KIR3DL1: variants seen among roughly 807,000 people sequenced by gnomAD.
The protein encoded by KIR3DL1 is killer cell immunoglobulin-like receptor 3DL1.
In KIR3DL1, 50 loss-of-function variants were observed where a neutral mutation model predicts 40.3. That is an observed-to-expected ratio of 1.24 (90% CI 0.99 to 1.57). The LOEUF is 1.57. KIR3DL1 is among the 40% of genes most tolerant of loss of function. The probability of loss-of-function intolerance (pLI) is 0.00; values close to 1 mark genes in which losing one functional copy is unlikely to be tolerated. For synonymous variants in KIR3DL1, 257 were observed against 207.2 expected, an observed-to-expected ratio of 1.24 and a Z score of -2.07; for missense variants, 661 against 559.9, an observed-to-expected ratio of 1.18 and a Z score of -1.82.
At chr19:54,821,758 C>G in exon 5 of KIR3DL1, 1 of 1,608,058 alleles carries the variant, frequency 6.2e-7, no homozygotes, top group Non-Finnish European at 8.5e-7. Context: ...TCCCTCTGGG[C>G]CCTGCCACCC....
intron 1 of KIR3DL1, among the ~76,000 whole-genome samples, chr19:54,816,812 ATGGGCC>A (rs2061362509): frequency 1.6e-4 from 8 of 49,960 alleles, no homozygotes; most frequent in African/African-American, 1.7e-4. Context: ...GAGGGGAGAT[ATGGGCC>A]TGGAGGGGAG....
chr19:54,817,332 A>T (rs1233761251), intron 1 of KIR3DL1, among the ~76,000 whole-genome samples: 1 of 78,934 alleles, frequency 1.3e-5, no homozygotes, highest in African/African-American at 5.1e-5. Context: ...GTGTAGATCT[A>T]GGCCTGGAGG....
rs551016633 is a variant in KIR3DL1 at position 54,830,642 on chromosome 19, G to C, written c.*367G>C. 2.2e-5 allele frequency: 6 copies of C among 272,436 alleles called. No homozygotes were observed. In the South Asian group the frequency reaches 3.5e-4, roughly 16 times the overall value. The allele number at this position is 272,436 out of a possible 1,614,324, so 16.9% of individuals were successfully genotyped here. A position where few individuals can be genotyped will look rare whatever the true frequency, so the allele number is the denominator to read the frequency against. On this transcript the variant is annotated 3_prime_UTR_variant, in exon 9 of 9. Coordinates refer to ENST00000391728, the Ensembl canonical transcript of KIR3DL1. ...CCCTCTTGACGTGGCACTTACCCAC[G>C]TGCTGTTCCACCTTCCCTCATGCTG...
intron 4 of KIR3DL1, among the ~76,000 whole-genome samples, chr19:54,820,217 G>A (rs950699714): frequency 5.3e-5 from 8 of 151,402 alleles, no homozygotes; most frequent in African/African-American, 2.0e-4. Context: ...AGACACAGGG[G>A]CCATACAGGG....
At chr19:54,821,649 G>C (rs200594305) in exon 5 of KIR3DL1, 4 of 1,609,686 alleles carry the variant, frequency 2.5e-6, no homozygotes, top group Non-Finnish European at 2.5e-6. Flanking sequence ...TGTAGCTCCC[G>C]GAGCTCCTAT....
At chr19:54,829,880 A>G (rs777959985) in intron 7 of KIR3DL1, 48 bp from the exon 8 acceptor site, 2 of 1,482,948 alleles carry the variant, frequency 1.3e-6, no homozygotes, top group East Asian at 2.4e-5. Context: ...TGAAATGAGG[A>G]CCCAGAAGTG....
At chr19:54,828,722 G>C (rs2062038921) in intron 6 of KIR3DL1, among the ~76,000 whole-genome samples, 1 of 148,212 alleles carries the variant, frequency 6.7e-6, no homozygotes, top group Admixed American at 6.8e-5. Flanking sequence ...TCAGGACTTT[G>C]CTGTCTTAGT....
intron 3 of KIR3DL1, 121 bp downstream of exon 3, chr19:54,818,720 T>C: frequency 7.5e-7 from 1 of 1,330,928 alleles, no homozygotes; most frequent in Non-Finnish European, 1.0e-6. Flanking sequence ...TCAAGGGAGA[T>C]TGAATACAGG....
At position 54,819,822 on chromosome 19, in the gene KIR3DL1, G is replaced by C. The variant is rs773612298; in HGVS notation, c.465G>C (p.Leu155=). The C allele has an allele frequency of 7.4e-6, 12 of 1,611,896 alleles. No homozygotes were observed. The Admixed American group carries it at 1.5e-4, about 20-fold the overall frequency. ...ATATCATGTTTGAGCACTTCTTTCT[G>C]CACAAAGAGGGGATCTCTAAGGACC... Residue 155 remains leucine (L), a synonymous_variant, in exon 4 of 9, where the codon CTG becomes CTC. Transcript: ENST00000391728.
At chr19:54,818,098 G>C (rs1249618309) in intron 2 of KIR3DL1, among the ~76,000 whole-genome samples, 1 of 107,842 alleles carries the variant, frequency 9.3e-6, no homozygotes, top group Non-Finnish European at 1.8e-5. Context: ...TTAAAATCTA[G>C]TAAGAGTTGC....
At chr19:54,823,943 T>TG (rs532858052) in intron 5 of KIR3DL1, among the ~76,000 whole-genome samples, 41,627 of 150,726 alleles carry the variant, frequency 0.28, 6,453 homozygotes, top group Non-Finnish European at 0.32. Flanking sequence ...GCTCGTTTTT[T>TG]AATTAAATTG....
chr19:54,829,328 T>A (rs200457298), intron 6 of KIR3DL1, 33 bp from the exon 7 acceptor site: 3 of 1,392,552 alleles, frequency 2.2e-6, no homozygotes, highest in Non-Finnish European at 3.0e-6. Context: ...ACTGCTATGA[T>A]TAGCTTCTTA....
chr19:54,819,945 C>G lies in KIR3DL1; in HGVS notation c.588C>G (p.Tyr196Ter). Residue 196 changes from tyrosine to a stop codon, truncating the protein, a stop_gained, in exon 4 of 9, where the codon TAC becomes TAG. Transcript: ENST00000391728. LOFTEE classifies it high-confidence loss of function. ...CCCTTGCAGGGACCTACAGATGCTA[C>G]GGTTCTGTTACTCACACCCCCTATC... is the stretch of plus-strand genomic sequence containing the variant. The G allele has an allele frequency of 6.2e-7, 1 of 1,611,886 alleles. No individual in the cohort carries two copies. The highest frequency in any genetic ancestry group is 8.5e-7 in the Non-Finnish European group (1 of 1,179,352).
exon 9 of KIR3DL1, chr19:54,830,394 G>T: frequency 3.3e-6 from 4 of 1,196,602 alleles, no homozygotes; most frequent in Non-Finnish European, 4.8e-6. Flanking sequence ...TTCATCTTAG[G>T]GCATCGCTCC....
intron 4 of KIR3DL1, among the ~76,000 whole-genome samples, chr19:54,820,405 A>G (rs970172386): frequency 9.2e-5 from 14 of 151,512 alleles, no homozygotes; most frequent in African/African-American, 1.7e-4. Flanking sequence ...CATATTTCTG[A>G]CCTGAGTTGG....
rs1380729783 is a variant in KIR3DL1, at chr19:54,821,516, C to T, written c.656-49C>T. ...GTTCTCAGCTCAGGTATGAGGGGAG[C>T]TATGACAAGGAAGAACCTCCCTGAG... On this transcript the variant is annotated intron_variant, in intron 4 of 8. Transcript: ENST00000391728. 3.8e-5 allele frequency: 59 copies of T among 1,567,596 alleles called. 1 individual carries two copies. In the Admixed American group the frequency reaches 1.0e-3, roughly 27 times the overall value.
intron 6 of KIR3DL1, among the ~76,000 whole-genome samples, chr19:54,826,297 A>C (rs1234784248): frequency 6.7e-6 from 1 of 150,294 alleles, no homozygotes; most frequent in African/African-American, 2.5e-5. Flanking sequence ...GCATCTGTGC[A>C]TGAAATCTAT....
At chr19:54,820,644 A>C (rs1174447712) in intron 4 of KIR3DL1, among the ~76,000 whole-genome samples, 1 of 151,368 alleles carries the variant, frequency 6.6e-6, no homozygotes, top group Admixed American at 6.6e-5. Flanking sequence ...CAGGGACACC[A>C]AAAAGCAAAG....
exon 4 of KIR3DL1, chr19:54,819,904 G>C: frequency 6.2e-7 from 1 of 1,612,198 alleles, no homozygotes; most frequent in Middle Eastern, 1.7e-4. Context: ...TTTCTCCATC[G>C]GTCCCATGAT....
Sources: allele counts gnomAD v4.1 joint callset (sites outside exome capture counted in the v4.1 genomes callset), GRCh38; gene constraint gnomAD v4.1.1; transcripts MANE v1.5; gene names NCBI Gene and HGNC (gene_info 2026-07-23, HGNC 2026-07-21).